Variants in CPNE8 observed in about 807,000 individuals in gnomAD.
The protein encoded by CPNE8 is copine-8.
In CPNE8, 45 loss-of-function variants were observed where a neutral mutation model predicts 81.5. That is an observed-to-expected ratio of 0.55 (90% CI 0.44 to 0.71). CPNE8 has a LOEUF of 0.71. Among genes scored for constraint, CPNE8 ranks in the 30% least tolerant of loss-of-function variants. CPNE8 has a pLI of 0.00. For missense variants in CPNE8, 594 were observed against 672.1 expected, an observed-to-expected ratio of 0.88 and a Z score of 1.28; for synonymous variants, 252 against 226.3, an observed-to-expected ratio of 1.11 and a Z score of -1.02.
At chr12:38,806,031 C>T (rs1043105911) in intron 6 of CPNE8, among the ~76,000 whole-genome samples, 1 of 150,244 alleles carries the variant, frequency 6.7e-6, no homozygotes, top group Non-Finnish European at 1.5e-5. Flanking sequence ...TTGACACATA[C>T]ACCCTCCCAA....
At chr12:38,683,460 G>A (rs150005949) in intron 16 of CPNE8, among the ~76,000 whole-genome samples, 367 of 152,148 alleles carry the variant, frequency 2.4e-3, no homozygotes, top group Admixed American at 7.1e-3. Flanking sequence ...GTTATATAAA[G>A]CAAGAATTTT....
chr12:38,823,318 G>A (rs999769980), intron 6 of CPNE8, among the ~76,000 whole-genome samples: 2 of 151,464 alleles, frequency 1.3e-5, no homozygotes, highest in Non-Finnish European at 2.9e-5. Flanking sequence ...AGTCACAATT[G>A]AGATCCCCAC....
intron 4 of CPNE8, among the ~76,000 whole-genome samples, chr12:38,845,333 G>C (rs897776777): frequency 1.3e-5 from 2 of 152,014 alleles, no homozygotes; most frequent in South Asian, 4.1e-4. Flanking sequence ...GTGTGTGTAC[G>C]TGTGCAAATT....
At chr12:38,724,698 T>C (rs1940652182) in intron 12 of CPNE8, 148 bp downstream of exon 12, 1 of 540,780 alleles carries the variant, frequency 1.8e-6, no homozygotes, top group East Asian at 3.4e-5. Context: ...GAGAAGTTGA[T>C]TTTTCTATTG....
intron 14 of CPNE8, among the ~76,000 whole-genome samples, chr12:38,695,393 T>C (rs1202909506): frequency 1.3e-5 from 2 of 152,214 alleles, no homozygotes; most frequent in Non-Finnish European, 1.5e-5. Flanking sequence ...TCCGGGCTAA[T>C]GTCCTCTAGG....
chr12:38,709,018 T>A (rs914884428), intron 13 of CPNE8, among the ~76,000 whole-genome samples: 1 of 152,234 alleles, frequency 6.6e-6, no homozygotes, highest in Non-Finnish European at 1.5e-5. Context: ...CAGATTCACA[T>A]CCACTAGCTG....
chr12:38,832,446 A>G (rs1592126521), intron 5 of CPNE8, among the ~76,000 whole-genome samples: 2 of 152,204 alleles, frequency 1.3e-5, no homozygotes, highest in African/African-American at 2.4e-5. Context: ...AGACATGAAA[A>G]GCACAGACAT....
intron 6 of CPNE8, among the ~76,000 whole-genome samples, chr12:38,805,661 T>TAAA (rs35911949): frequency 2.4e-5 from 1 of 41,896 alleles, no homozygotes; most frequent in Non-Finnish European, 5.1e-5. Flanking sequence ...TAGAGTATAA[T>TAAA]AAAAAAAAAA....
chr12:38,730,939 TTC>T (rs774499514), intron 10 of CPNE8, among the ~76,000 whole-genome samples: 6 of 151,860 alleles, frequency 4.0e-5, no homozygotes, highest in Non-Finnish European at 7.4e-5. Context: ...CATCACTACC[TTC>T]TCAGGTGTCT....
At chr12:38,788,980 A>G (rs1942263283) in intron 6 of CPNE8, among the ~76,000 whole-genome samples, 1 of 151,952 alleles carries the variant, frequency 6.6e-6, no homozygotes, top group African/African-American at 2.4e-5. Flanking sequence ...AAGATATTCC[A>G]TGTTTATGGA....
intron 6 of CPNE8, among the ~76,000 whole-genome samples, chr12:38,787,110 A>C (rs966444427): frequency 6.6e-6 from 1 of 152,172 alleles, no homozygotes; most frequent in Non-Finnish European, 1.5e-5. Context: ...AATGAACCTA[A>C]TAGACATATA....
chr12:38,776,457 T>A (rs921221470), intron 6 of CPNE8, among the ~76,000 whole-genome samples, 156 bp from the exon 7 acceptor site: 1 of 151,528 alleles, frequency 6.6e-6, no homozygotes, highest in East Asian at 1.9e-4. Context: ...GTAGCTGGGA[T>A]TACAGGCCCA....
intron 19 of CPNE8, among the ~76,000 whole-genome samples, chr12:38,661,408 T>C (rs2136635040): frequency 6.6e-6 from 1 of 151,824 alleles, no homozygotes; most frequent in Non-Finnish European, 1.5e-5. Context: ...AACTGAACAA[T>C]GAGAACACTT....
At chr12:38,846,682 A>C (rs746522834) in intron 4 of CPNE8, among the ~76,000 whole-genome samples, 11 of 152,106 alleles carry the variant, frequency 7.2e-5, no homozygotes, top group Non-Finnish European at 1.3e-4. Context: ...TTTCACACCA[A>C]GTTGATTTCA....
intron 1 of CPNE8, 69 bp downstream of exon 1, chr12:38,905,368 A>G (rs1944553398): frequency 1.3e-6 from 2 of 1,507,750 alleles, no homozygotes; most frequent in East Asian, 5.0e-5. Flanking sequence ...TGGTACCCCG[A>G]GCGCTCTCCA....
At chr12:38,717,062 G>C (rs953012477) in intron 13 of CPNE8, among the ~76,000 whole-genome samples, 6 of 151,966 alleles carry the variant, frequency 3.9e-5, no homozygotes, top group Admixed American at 3.9e-4. Context: ...AATTATCAGA[G>C]AAATGCAAAT....
At chr12:38,700,116 TG>T (rs1200010136) in intron 14 of CPNE8, among the ~76,000 whole-genome samples, 1 of 152,038 alleles carries the variant, frequency 6.6e-6, no homozygotes, top group African/African-American at 2.4e-5. Context: ...ATAGAAGAGG[TG>T]GGAGCATACA....
At chr12:38,811,537 A>G (rs546957998) in intron 6 of CPNE8, among the ~76,000 whole-genome samples, 1 of 152,340 alleles carries the variant, frequency 6.6e-6, no homozygotes, top group African/African-American at 2.4e-5. Flanking sequence ...AGTCAAACTT[A>G]GGTTCCATAA....
At chr12:38,678,408 A>T (rs1042543627) in intron 16 of CPNE8, among the ~76,000 whole-genome samples, 4 of 151,988 alleles carry the variant, frequency 2.6e-5, no homozygotes, top group Non-Finnish European at 5.9e-5. Context: ...AATAGAGATA[A>T]TTTTTACGAT....
Sources: gnomAD v4.1 joint callset for allele counts (sites outside exome capture counted in the v4.1 genomes callset) on GRCh38, gnomAD v4.1.1 for gene constraint, MANE v1.5 for transcripts, NCBI Gene and HGNC (gene_info 2026-07-23, HGNC 2026-07-21) for gene names.